The following NKIRAS1 variants were observed in gnomAD, a reference collection of about 807,000 sequenced individuals.
NKIRAS1 encodes NF-kappa-B inhibitor-interacting Ras-like protein 1.
In NKIRAS1, 16 loss-of-function variants were observed where a neutral mutation model predicts 19.8. That is an observed-to-expected ratio of 0.81 (90% CI 0.55 to 1.23). The LOEUF is 1.23. Among genes scored for constraint, NKIRAS1 ranks in the 50% most tolerant of loss-of-function variants. NKIRAS1 has a pLI of 0.00. For synonymous variants in NKIRAS1, 88 were observed against 79.0 expected (o/e 1.11, Z -0.61); for missense variants, 184 against 220.0 (o/e 0.84, Z 1.04).
At chr3:23,895,806 C>G (rs1009723268) in intron 4 of NKIRAS1, among the ~76,000 whole-genome samples, 2 of 152,148 alleles carry the variant, frequency 1.3e-5, no homozygotes, top group Non-Finnish European at 2.9e-5. Flanking sequence ...TTCCTTTCAC[C>G]TGATGACCAT....
At chr3:23,919,890 C>T (rs182309439), upstream of NKIRAS1, 739 of 994,488 alleles carry the variant, frequency 7.4e-4, 4 homozygotes, top group African/African-American at 1.0e-2. Flanking sequence ...CAAGTGGCTG[C>T]GTTTTTTTTA....
At chr3:23,906,858 T>C (rs1001826600) in intron 3 of NKIRAS1, among the ~76,000 whole-genome samples, 2 of 152,102 alleles carry the variant, frequency 1.3e-5, no homozygotes, top group African/African-American at 4.8e-5. Flanking sequence ...CTCTTATACA[T>C]TTTAAAATAA....
intron 3 of NKIRAS1, among the ~76,000 whole-genome samples, chr3:23,906,627 A>G (rs1019739706): frequency 6.6e-6 from 1 of 150,868 alleles, no homozygotes; most frequent in Admixed American, 6.6e-5. Flanking sequence ...AATAGTAAAT[A>G]TATTTTTTCT....
intron 4 of NKIRAS1, among the ~76,000 whole-genome samples, chr3:23,895,051 G>T (rs531124380): frequency 1.1e-4 from 17 of 151,872 alleles, no homozygotes; most frequent in Non-Finnish European, 2.2e-4. Context: ...TGTTTTGTTT[G>T]TTTTTTTTAA....
chr3:23,908,070 T>G (rs1703248205), intron 3 of NKIRAS1, among the ~76,000 whole-genome samples: 1 of 152,226 alleles, frequency 6.6e-6, no homozygotes, highest in Non-Finnish European at 1.5e-5. Context: ...ATCAGAATTG[T>G]ATCCATCATC....
In NKIRAS1 at chr3:23,940,173, A is replaced by G. The variant is rs1232844890; in HGVS notation, c.-140+6150T>C. ...AGGAAGACTCCCATCTCTACCAAAAAAAAAAAAAAAAAAAAAAAGAGAAAT... is the reference window on the plus strand; with the variant it reads ...AGGAAGACTCCCATCTCTACCAAAAGAAAAAAAAAAAAAAAAAAGAGAAAT... On this transcript the variant is annotated intron_variant, in intron 1 of 4. Transcript: ENST00000421515. Among the ~76,000 whole-genome samples the G allele has an allele frequency of 2.0e-5, 3 of 148,286 alleles. No individual in the cohort carries two copies. In the South Asian group the frequency reaches 6.3e-4, roughly 31 times the overall value.
At chr3:23,919,535 A>T (rs748891724), upstream of NKIRAS1, 3 of 1,505,378 alleles carry the variant, frequency 2.0e-6, no homozygotes, top group Non-Finnish European at 8.8e-7. Context: ...ATACTTAATA[A>T]ACAATTTAGG....
Position 23,890,784 on chromosome 3 carries a change from G to T in NKIRAS1, c.*2311C>A, listed in dbSNP as rs1313905594. ...TTAAGGTATCTTGCTACAGTAGACA[G>T]AATTGGTAATAGCAACTTTTAAAAT... On this transcript the variant is annotated 3_prime_UTR_variant, in exon 5 of 5. Transcript: ENST00000425478. 3.0e-5 allele frequency: 15 copies of T among 495,976 alleles called. No individual in the cohort carries two copies. Among genetic ancestry groups the T allele is most frequent in the Non-Finnish European group, 4.4e-5 (13 of 295,092 alleles). The allele number at this position is 495,976 out of a possible 1,614,324, so 30.7% of individuals were successfully genotyped here.
upstream of NKIRAS1, chr3:23,919,216 T>C (rs2125255778): frequency 1.9e-6 from 3 of 1,613,918 alleles, no homozygotes; most frequent in East Asian, 6.7e-5. Flanking sequence ...GACGCCACTG[T>C]GGGGCTCTGA....
chr3:23,918,561 T>G (rs770047384), upstream of NKIRAS1: 15 of 1,613,858 alleles, frequency 9.3e-6, no homozygotes, highest in Middle Eastern at 1.6e-4. Context: ...CTCGAAGCCT[T>G]CAGTCCGTTG....
chr3:23,894,683 GCAGTCCTGCTTCCTCTAT>G (rs1284710158), intron 4 of NKIRAS1, among the ~76,000 whole-genome samples: 1 of 151,912 alleles, frequency 6.6e-6, no homozygotes, highest in Non-Finnish European at 1.5e-5. Flanking sequence ...TAGTTGCCTT[GCAGTCCTGCTTCCTCTAT>G]CACTCCCCTC....
rs370659949 is a variant in NKIRAS1 at position 23,907,050 on chromosome 3, T to C, written c.94+3761A>G. Among the ~76,000 whole-genome samples the C allele has an allele frequency of 8.6e-5, 13 of 151,670 alleles. No individual in the cohort carries two copies. In the East Asian group the frequency reaches 1.4e-3, roughly 16 times the overall value. ...CTGAGATTACAGGCACGTGCCACCA[T>C]GCCCAGCTAATTTTTATATTTTTAG... On this transcript the variant is annotated intron_variant, in intron 3 of 4. Transcript: ENST00000425478.
upstream of NKIRAS1, chr3:23,917,811 T>G (rs368552682): frequency 1.6e-5 from 25 of 1,561,928 alleles, no homozygotes; most frequent in Middle Eastern, 2.3e-4. Context: ...TTATTGTACT[T>G]AAAGCGGATG....
At chr3:23,913,881 T>C (rs1704022627) in intron 1 of NKIRAS1, among the ~76,000 whole-genome samples, 6 of 152,210 alleles carry the variant, frequency 3.9e-5, no homozygotes. Flanking sequence ...TTAGGTTCCT[T>C]TCAACACTGT....
At chr3:23,918,601 T>C (rs547292664), upstream of NKIRAS1, 409 of 1,609,192 alleles carry the variant, frequency 2.5e-4, 3 homozygotes, top group South Asian at 4.2e-3. Context: ...GTAGCAGTTA[T>C]ATTGAATACT....
At position 23,926,122 on chromosome 3, in the gene NKIRAS1, C is replaced by G. The variant is rs1366277464; in HGVS notation, c.-139-14672G>C. 1.3e-5 allele frequency among the ~76,000 whole-genome samples: 2 copies of G among 152,182 alleles called. No homozygotes were observed. Among genetic ancestry groups the G allele is most frequent in the Non-Finnish European group, 2.9e-5 (2 of 68,036 alleles). On this transcript the variant is annotated intron_variant, in intron 1 of 4. Coordinates refer to the NKIRAS1 transcript ENST00000421515. This position sits in a 1 kb window ranked among gnomAD's most constrained non-coding sequence, Gnocchi z 4.3. ...CTGGAGTGCAGTGGCACAATCTTGG[C>G]TCACTGTAACCTCTGCCTCCCAGGT...
chr3:23,941,812 G>A (rs765497677), intron 1 of NKIRAS1, among the ~76,000 whole-genome samples: 1 of 152,110 alleles, frequency 6.6e-6, no homozygotes, highest in South Asian at 2.1e-4. Context: ...TCTAAAAAAC[G>A]CTGAGGCTCA....
At chr3:23,903,290 T>C (rs1351386155) in intron 3 of NKIRAS1, among the ~76,000 whole-genome samples, 1 of 152,136 alleles carries the variant, frequency 6.6e-6, no homozygotes, top group East Asian at 1.9e-4. Flanking sequence ...ATTCTTGTAT[T>C]TTTTTGTATA....
At chr3:23,932,527 A>G (rs561816590) in intron 1 of NKIRAS1, among the ~76,000 whole-genome samples, 107 of 152,050 alleles carry the variant, frequency 7.0e-4, no homozygotes, top group Non-Finnish European at 9.7e-4. Context: ...CATCTCTACT[A>G]AAAAAACAAA....
Sources: allele counts gnomAD v4.1 joint callset (sites outside exome capture counted in the v4.1 genomes callset), GRCh38; gene constraint gnomAD v4.1.1; non-coding constraint Gnocchi (gnomAD v3.1); transcripts MANE v1.5; gene names NCBI Gene and HGNC (gene_info 2026-07-23, HGNC 2026-07-21).